Variants in ATP9B observed in about 807,000 individuals in gnomAD.
The protein encoded by ATP9B is probable phospholipid-transporting ATPase IIB.
Under a neutral mutation model 146.1 loss-of-function variants are expected in ATP9B, and 110 were observed. That is an observed-to-expected ratio of 0.75 (90% CI 0.65 to 0.88). The LOEUF (loss-of-function observed/expected upper bound fraction) is 0.88. Ranked by LOEUF, ATP9B falls within the 40% of genes least tolerant of loss-of-function variation. The pLI is 0.00. For synonymous variants in ATP9B, 604 were observed against 569.7 expected, an observed-to-expected ratio of 1.06 and a Z score of -0.86; for missense variants, 1,499 against 1,496.4, an observed-to-expected ratio of 1.00 and a Z score of -0.03.
At chr18:79,184,021 G>A (rs958366671) in intron 8 of ATP9B, among the ~76,000 whole-genome samples, 7 of 151,790 alleles carry the variant, frequency 4.6e-5, no homozygotes, top group East Asian at 1.9e-4. Flanking sequence ...TAATATCTTC[G>A]CTATGTAAAT....
At chr18:79,199,606 T>A (rs2148230537) in intron 9 of ATP9B, among the ~76,000 whole-genome samples, 1 of 150,828 alleles carries the variant, frequency 6.6e-6, no homozygotes, top group Non-Finnish European at 1.5e-5. Context: ...CTACTAAAAA[T>A]ACAAAAATTA....
chr18:79,288,779 A>T (rs2096470555), intron 13 of ATP9B, among the ~76,000 whole-genome samples: 1 of 152,118 alleles, frequency 6.6e-6, no homozygotes, highest in African/African-American at 2.4e-5. Flanking sequence ...TGTTTAGTGC[A>T]TCCTTCAGGA....
chr18:79,303,073 A>G (rs1003324231), intron 13 of ATP9B, among the ~76,000 whole-genome samples: 4 of 152,172 alleles, frequency 2.6e-5, no homozygotes, highest in African/African-American at 9.7e-5. Flanking sequence ...AGCCCTTCTC[A>G]TTATTAAACG....
At chr18:79,072,382 G>C (rs898846316) in intron 1 of ATP9B, among the ~76,000 whole-genome samples, 4 of 152,150 alleles carry the variant, frequency 2.6e-5, no homozygotes, top group Admixed American at 2.6e-4. Context: ...TCAAGCATCT[G>C]TTTAACAAAG....
chr18:79,320,300 G>A (rs1004149066), intron 15 of ATP9B, among the ~76,000 whole-genome samples: 2 of 152,188 alleles, frequency 1.3e-5, no homozygotes, highest in Non-Finnish European at 2.9e-5. Flanking sequence ...CAGCGGAGGC[G>A]CAGTGCGAGT....
intron 5 of ATP9B, among the ~76,000 whole-genome samples, chr18:79,133,508 A>AACACACACAC (rs370697424): frequency 2.7e-5 from 4 of 147,786 alleles, no homozygotes; most frequent in African/African-American, 7.5e-5. Context: ...AGTGGTTATA[A>AACACACACAC]ACACACACAC....
At chr18:79,304,985 G>C (rs1599808128) in intron 14 of ATP9B, among the ~76,000 whole-genome samples, 2 of 152,056 alleles carry the variant, frequency 1.3e-5, no homozygotes, top group South Asian at 2.1e-4. Context: ...ACCCTGGGGG[G>C]TGTGACAGTT....
At chr18:79,210,293 T>C (rs1279390652) in intron 10 of ATP9B, among the ~76,000 whole-genome samples, 2 of 152,184 alleles carry the variant, frequency 1.3e-5, no homozygotes, top group Non-Finnish European at 2.9e-5. Context: ...AAAGCTGGGC[T>C]CTCTAAGGCA....
rs1043294462 is a variant in ATP9B at position 79,069,442 on chromosome 18, G to A, written c.32G>A (p.Arg11His). Residue 11 changes from arginine to histidine, a missense_variant, in exon 1 of 30, where the codon CGT (arginine) becomes CAT (histidine). By Grantham distance (29) the Arg-to-His change is conservative (BLOSUM62 0). Coordinates refer to ENST00000426216, the MANE Select transcript of ATP9B (RefSeq NM_198531.5). ...GACCAGATCCCGCTTTACCCGGTGC[G>A]TAGCGCAGCGGCGGCCGCAGCCAAC... MADQIPLYPV[R>H]SAAAAAANRK... The A allele has an allele frequency of 5.9e-6, 9 of 1,519,158 alleles. No individual in the cohort carries two copies. The highest frequency in any genetic ancestry group is 1.2e-5 in the South Asian group (1 of 80,512). 94.1% of individuals were successfully genotyped at this position (1,519,158 alleles called of 1,614,324 possible). A position where few individuals can be genotyped will look rare whatever the true frequency, so the allele number is the denominator to read the frequency against.
chr18:79,283,120 T>G (rs532569250), intron 13 of ATP9B, among the ~76,000 whole-genome samples: 30 of 152,384 alleles, frequency 2.0e-4, no homozygotes, highest in African/African-American at 7.0e-4. Flanking sequence ...CTATTTTGTA[T>G]TCCATATTTT....
At chr18:79,088,411 AG>A (rs1459013736) in intron 1 of ATP9B, among the ~76,000 whole-genome samples, 1 of 152,252 alleles carries the variant, frequency 6.6e-6, no homozygotes, top group Admixed American at 6.5e-5. Flanking sequence ...CATACAGAGA[AG>A]AAAAAAATGA....
At chr18:79,307,423 G>C in intron 15 of ATP9B, 189 bp downstream of exon 15, 1 of 830,694 alleles carries the variant, frequency 1.2e-6, no homozygotes, top group Non-Finnish European at 1.8e-6. Context: ...CCTGGGCCTT[G>C]CACATGCAAA....
chr18:79,268,349 T>C (rs2096224289), intron 12 of ATP9B, among the ~76,000 whole-genome samples: 1 of 152,224 alleles, frequency 6.6e-6, no homozygotes. Context: ...TCAATTATTA[T>C]AATACTGTTT....
At chr18:79,371,447 A>T (rs1264503618) in intron 26 of ATP9B, among the ~76,000 whole-genome samples, 1 of 150,946 alleles carries the variant, frequency 6.6e-6, no homozygotes, top group Admixed American at 6.6e-5. Context: ...TCCTTTTCAT[A>T]TTCACGTGTG....
At chr18:79,318,291 T>A (rs2096693772) in intron 15 of ATP9B, among the ~76,000 whole-genome samples, 1 of 152,146 alleles carries the variant, frequency 6.6e-6, no homozygotes. Flanking sequence ...GTCAGGTGAG[T>A]AGGGTCAGCA....
chr18:79,212,779 G>A (rs372002579), intron 10 of ATP9B, among the ~76,000 whole-genome samples: 2 of 152,070 alleles, frequency 1.3e-5, no homozygotes, highest in African/African-American at 4.8e-5. Flanking sequence ...TAATAAAGAC[G>A]GCATTTGTGC....
Position 79,096,495 on chromosome 18 carries a change from T to C in ATP9B, c.139T>C (p.Ser47Pro). ...AACTAGGTACCAGCTGGAGGATGAG[T>C]CTGCGCATTTGGATGAAATGCCACT... ...RHSRYQLEDE[S>P]AHLDEMPLMM... Residue 47 changes from serine to proline, a missense_variant, in exon 2 of 30, where the codon TCT becomes CCT. Ser to Pro is a moderately conservative substitution (Grantham distance 74). Coordinates refer to ENST00000426216, the MANE Select transcript of ATP9B (RefSeq NM_198531.5). 6.2e-7 allele frequency: 1 copy of C among 1,613,938 alleles called. No homozygotes were observed. Among genetic ancestry groups the C allele is most frequent in the South Asian group, 1.1e-5 (1 of 91,070 alleles).
chr18:79,248,063 G>A (rs1204843711), intron 11 of ATP9B, among the ~76,000 whole-genome samples: 2 of 152,088 alleles, frequency 1.3e-5, no homozygotes, highest in Non-Finnish European at 2.9e-5. Flanking sequence ...AGACTATAAT[G>A]GCCAAAAGAA....
intron 9 of ATP9B, among the ~76,000 whole-genome samples, chr18:79,201,051 C>A (rs2095482542): frequency 6.6e-6 from 1 of 152,202 alleles, no homozygotes; most frequent in Non-Finnish European, 1.5e-5. Context: ...ATGGTGACCA[C>A]TTGTGGGAGG....
Sources: gnomAD v4.1 joint callset for allele counts (sites outside exome capture counted in the v4.1 genomes callset) on GRCh38, gnomAD v4.1.1 for gene constraint, MANE v1.5 for transcripts, NCBI Gene and HGNC (gene_info 2026-07-23, HGNC 2026-07-21) for gene names.